Variants in SORCS1 observed in about 807,000 individuals in gnomAD.
SORCS1 encodes VPS10 domain-containing receptor SorCS1.
Under a neutral mutation model 146.1 loss-of-function variants are expected in SORCS1, and 60 were observed. The ratio of observed to expected loss-of-function variants is 0.41; its 90% confidence interval spans 0.33 to 0.51. The LOEUF (loss-of-function observed/expected upper bound fraction) is 0.51. SORCS1 is among the 20% of genes least tolerant of loss of function. The probability of loss-of-function intolerance (pLI) is 0.21; values close to 1 mark genes in which losing one functional copy is unlikely to be tolerated. For synonymous variants in SORCS1, 637 were observed against 584.0 expected (o/e 1.09, Z -1.31); for missense variants, 1,352 against 1,487.6 (o/e 0.91, Z 1.50).
chr10:106,627,505 T>C (rs943782206), intron 19 of SORCS1, among the ~76,000 whole-genome samples: 14 of 152,230 alleles, frequency 9.2e-5, no homozygotes, highest in African/African-American at 3.4e-4. Context: ...TAATCATTAA[T>C]GTTTGTGACG....
At chr10:107,063,142 T>A (rs1961394592) in intron 1 of SORCS1, among the ~76,000 whole-genome samples, 1 of 152,114 alleles carries the variant, frequency 6.6e-6, no homozygotes, top group African/African-American at 2.4e-5. Flanking sequence ...ATCTGTAAAA[T>A]ATGCATCAAT....
intron 2 of SORCS1, among the ~76,000 whole-genome samples, chr10:106,861,056 C>T (rs1427618474): frequency 2.6e-5 from 4 of 152,118 alleles, no homozygotes; most frequent in African/African-American, 7.2e-5. Flanking sequence ...TCTTCTCACA[C>T]GGTACTCAGT....
At chr10:106,940,025 C>A (rs978120213) in intron 2 of SORCS1, among the ~76,000 whole-genome samples, 2 of 152,114 alleles carry the variant, frequency 1.3e-5, no homozygotes, top group Non-Finnish European at 2.9e-5. Context: ...GAATTCAATG[C>A]GCCAGACATT....
intron 1 of SORCS1, among the ~76,000 whole-genome samples, chr10:106,999,554 T>C (rs1589890515): frequency 6.6e-6 from 1 of 152,344 alleles, no homozygotes; most frequent in East Asian, 1.9e-4. Flanking sequence ...GAGTTCAGGG[T>C]ACACATTTTT....
intron 3 of SORCS1, among the ~76,000 whole-genome samples, chr10:106,805,675 T>A (rs1206960831): frequency 6.6e-6 from 1 of 152,180 alleles, no homozygotes; most frequent in Non-Finnish European, 1.5e-5. Flanking sequence ...CAGAAATGAT[T>A]TATTTGCCTA....
chr10:106,735,132 G>A (rs1856858370), intron 5 of SORCS1, among the ~76,000 whole-genome samples: 1 of 130,182 alleles, frequency 7.7e-6, no homozygotes, highest in African/African-American at 2.9e-5. Flanking sequence ...GGCGACAAGA[G>A]CGAGACTCCA....
chr10:107,134,361 A>G (rs764174878), intron 1 of SORCS1, among the ~76,000 whole-genome samples: 13 of 152,204 alleles, frequency 8.5e-5, no homozygotes, highest in Non-Finnish European at 1.5e-4. Context: ...TCCATCGGCC[A>G]GGCGCGGTGG....
chr10:106,725,969 A>G (rs1856133008), intron 6 of SORCS1, among the ~76,000 whole-genome samples: 1 of 151,550 alleles, frequency 6.6e-6, no homozygotes, highest in Admixed American at 6.6e-5. Context: ...TGAGAAAGAG[A>G]TAACACAGAG....
intron 4 of SORCS1, among the ~76,000 whole-genome samples, chr10:106,766,829 A>C (rs1304182241): frequency 6.6e-6 from 1 of 152,244 alleles, no homozygotes; most frequent in African/African-American, 2.4e-5. Flanking sequence ...TGTTGTAGAG[A>C]AAAAGTTTGG....
At chr10:106,806,776 G>A (rs1448569409) in intron 3 of SORCS1, among the ~76,000 whole-genome samples, 1 of 151,756 alleles carries the variant, frequency 6.6e-6, no homozygotes, top group African/African-American at 2.4e-5. Flanking sequence ...TGGCCTCCTG[G>A]AGTGCTGGGA....
chr10:106,976,562 A>T (rs182162865), intron 1 of SORCS1, among the ~76,000 whole-genome samples: 1,563 of 151,948 alleles, frequency 0.01, 86 homozygotes, highest in Admixed American at 0.093. Flanking sequence ...CGATCTCCTG[A>T]CCTCATGATC....
chr10:106,936,081 T>A (rs938631723), intron 2 of SORCS1, among the ~76,000 whole-genome samples: 4 of 152,182 alleles, frequency 2.6e-5, no homozygotes, highest in African/African-American at 9.7e-5. Context: ...CTTTGCAGTA[T>A]GGTGCAGGAA....
At chr10:106,836,335 A>G (rs900213820) in intron 2 of SORCS1, among the ~76,000 whole-genome samples, 3 of 150,994 alleles carry the variant, frequency 2.0e-5, no homozygotes, top group African/African-American at 7.3e-5. Flanking sequence ...TTAGCCGGGC[A>G]TGGTGGTGGG....
At chr10:106,910,567 T>C (rs1195437654) in intron 2 of SORCS1, among the ~76,000 whole-genome samples, 1 of 152,128 alleles carries the variant, frequency 6.6e-6, no homozygotes, top group Non-Finnish European at 1.5e-5. Context: ...ACCAATGATA[T>C]AAGTTAATAT....
chr10:106,907,697 A>G (rs974313522), intron 2 of SORCS1, among the ~76,000 whole-genome samples: 4 of 151,986 alleles, frequency 2.6e-5, no homozygotes, highest in African/African-American at 9.7e-5. Flanking sequence ...GAGGCCGAGG[A>G]GGGTGGATCA....
At chr10:107,127,859 T>C (rs921407729) in intron 1 of SORCS1, among the ~76,000 whole-genome samples, 1 of 152,230 alleles carries the variant, frequency 6.6e-6, no homozygotes, top group African/African-American at 2.4e-5. Context: ...GAGTCAGGCA[T>C]ACCTGGCTTT....
intron 3 of SORCS1, among the ~76,000 whole-genome samples, chr10:106,799,239 T>A (rs905602519): frequency 2.0e-5 from 3 of 152,160 alleles, no homozygotes; most frequent in Non-Finnish European, 4.4e-5. Flanking sequence ...TCAAGATGGA[T>A]TAGAGACTTA....
At chr10:106,862,344 A>G (rs1403782062) in intron 2 of SORCS1, among the ~76,000 whole-genome samples, 1 of 151,466 alleles carries the variant, frequency 6.6e-6, no homozygotes, top group Non-Finnish European at 1.5e-5. Context: ...CTATCCAGAA[A>G]ACATATGCTT....
intron 2 of SORCS1, among the ~76,000 whole-genome samples, chr10:106,858,005 CT>C (rs1949859548): frequency 1.3e-5 from 2 of 152,294 alleles, no homozygotes; most frequent in South Asian, 4.1e-4. Flanking sequence ...ATGGTGCATT[CT>C]GAGCTGAATG....
Sources: allele counts gnomAD v4.1 joint callset (sites outside exome capture counted in the v4.1 genomes callset), GRCh38; gene constraint gnomAD v4.1.1; transcripts MANE v1.5; gene names NCBI Gene and HGNC (gene_info 2026-07-23, HGNC 2026-07-21).